ACBD3: variants seen among roughly 807,000 people sequenced by gnomAD.
ACBD3 encodes Golgi resident protein GCP60.
ACBD3 carries 30 observed loss-of-function variants against 66.9 expected under a neutral mutation model. The observed-to-expected ratio is 0.45, with a 90% confidence interval of 0.34 to 0.61. The LOEUF (loss-of-function observed/expected upper bound fraction) is 0.61. Among genes scored for constraint, ACBD3 ranks in the 20% least tolerant of loss-of-function variants. ACBD3 has a pLI of 0.02. For missense variants in ACBD3, 544 were observed against 664.5 expected, an observed-to-expected ratio of 0.82 and a Z score of 1.99; for synonymous variants, 278 against 259.8, an observed-to-expected ratio of 1.07 and a Z score of -0.68.
intron 5 of ACBD3, among the ~76,000 whole-genome samples, chr1:226,156,392 A>G (rs1315578259): frequency 1.3e-5 from 2 of 152,226 alleles, no homozygotes; most frequent in South Asian, 2.1e-4. Flanking sequence ...TCCATCATAA[A>G]AAGATAAAAT....
rs1202781612 is a variant in ACBD3 at position 226,146,109 on chromosome 1, A to C, written c.*501T>G. ...TTCTGAACGAGATCAAACTGAGGCC[A>C]TTTCTTTTTCTATTATAATCTGTGA... On this transcript the variant is annotated 3_prime_UTR_variant, in exon 8 of 8. Transcript: ENST00000366812. 2 of 153,762 alleles carry C rather than the reference A, an allele frequency of 1.3e-5. No homozygotes were observed. Among genetic ancestry groups the C allele is most frequent in the African/African-American group, 4.8e-5 (2 of 41,452 alleles). 9.5% of individuals were successfully genotyped at this position (153,762 alleles called of 1,614,324 possible). A position where few individuals can be genotyped will look rare whatever the true frequency, so the allele number is the denominator to read the frequency against.
At chr1:226,181,023 A>G (rs1576242673) in intron 1 of ACBD3, among the ~76,000 whole-genome samples, 1 of 151,710 alleles carries the variant, frequency 6.6e-6, no homozygotes, top group Non-Finnish European at 1.5e-5. Flanking sequence ...AAACAATGAC[A>G]ACAACAACAC....
intron 4 of ACBD3, among the ~76,000 whole-genome samples, chr1:226,160,877 AAGAT>A (rs1659758495): frequency 6.6e-6 from 1 of 152,222 alleles, no homozygotes; most frequent in African/African-American, 2.4e-5. Context: ...CTGGACCAAC[AAGAT>A]TCTCTGTCCT....
In ACBD3 at chr1:226,154,910, A is replaced by G. The variant is rs144076354; in HGVS notation, c.904-77T>C. On this transcript the variant is annotated intron_variant, in intron 5 of 7. Coordinates refer to ENST00000366812, the MANE Select transcript of ACBD3 (RefSeq NM_022735.4). ...AGACATCTGCCCTGGAGTACATCTGATACCATGCTTTTGCCCTACCAAAGT... is the reference window on the plus strand; with the variant it reads ...AGACATCTGCCCTGGAGTACATCTGGTACCATGCTTTTGCCCTACCAAAGT... 1.1e-4 allele frequency: 142 copies of G among 1,300,096 alleles called. No individual in the cohort carries two copies. The African/African-American group carries it at 2.0e-3, about 19-fold the overall frequency. The allele number at this position is 1,300,096 out of a possible 1,614,324, so 80.5% of individuals were successfully genotyped here.
rs199621655 is a variant in ACBD3, at chr1:226,154,653, G to A, written c.1084C>T (p.Pro362Ser). The A allele has an allele frequency of 6.2e-7, 1 of 1,608,752 alleles. No individual in the cohort carries two copies. The highest frequency in any genetic ancestry group is 8.5e-7 in the Non-Finnish European group (1 of 1,177,480). Reference protein sequence around the residue: ...EAAEEALENGPKESLPVIAAP... With the variant: ...EAAEEALENGSKESLPVIAAP... ...ACACATATGCAAAACCTACCTTTTG[G>A]TCCATTCTCCAGGGCTTCTTCTGCA... Residue 362 changes from proline (P) to serine (S), a missense_variant, in exon 6 of 8, where the codon CCA (proline) becomes TCA (serine). Physicochemically the swap from Pro to Ser is moderately conservative, Grantham distance 74. Transcript: ENST00000366812.
intron 1 of ACBD3, among the ~76,000 whole-genome samples, chr1:226,166,237 C>A (rs962608526): frequency 6.6e-6 from 1 of 151,694 alleles, no homozygotes; most frequent in African/African-American, 2.4e-5. Flanking sequence ...CTCACTGAAG[C>A]CTTGACCTCC....
chr1:226,186,696 C>T lies in ACBD3; in HGVS notation c.-21G>A. On this transcript the variant is annotated 5_prime_UTR_variant, in exon 1 of 8. Coordinates refer to ENST00000366812, the MANE Select transcript of ACBD3 (RefSeq NM_022735.4). ...GCCATCTCCGGCTGCTGCACCTCCT[C>T]AGCGGGGACAGACGGCAGCCACGTA... 6.8e-7 allele frequency: 1 copy of T among 1,467,248 alleles called. No homozygotes were observed. 90.9% of individuals were successfully genotyped at this position (1,467,248 alleles called of 1,614,324 possible).
At chr1:226,168,453 A>C (rs1314675987) in intron 1 of ACBD3, among the ~76,000 whole-genome samples, 1 of 152,238 alleles carries the variant, frequency 6.6e-6, no homozygotes, top group Non-Finnish European at 1.5e-5. Context: ...CATTCATTGC[A>C]GCACTATTTT....
intron 6 of ACBD3, among the ~76,000 whole-genome samples, chr1:226,153,157 G>A (rs1014153511): frequency 1.3e-5 from 2 of 152,182 alleles, no homozygotes; most frequent in Non-Finnish European, 2.9e-5. Context: ...AAGGGGTAAA[G>A]TCTTGTTACT....
rs1656320651 is a variant in ACBD3, at chr1:226,186,542, G to C, written c.134C>G (p.Pro45Arg). 5 of 1,374,750 alleles carry C rather than the reference G, an allele frequency of 3.6e-6. No homozygotes were observed. Among genetic ancestry groups the C allele is most frequent in the Non-Finnish European group, 4.7e-6 (5 of 1,069,802 alleles). The allele number at this position is 1,374,750 out of a possible 1,614,324, so 85.2% of individuals were successfully genotyped here. The change falls in exon 1 of 8, where the codon CCT becomes CGT. Residue 45 changes from proline to arginine, a missense_variant. Coordinates refer to ENST00000366812, the MANE Select transcript of ACBD3 (RefSeq NM_022735.4). ...LPPPLPPPSP[P>R]GSGRGPGASG... is the part of the protein sequence containing the mutation. The stretch of plus-strand genomic sequence containing the variant: ...GGCGCCCGGGCCGCGACCGGATCCA[G>C]GTGGCGAGGGCGGTGGCAGCGGTGG...
At chr1:226,147,889 G>A (rs1208382973) in intron 7 of ACBD3, 4 of 152,168 alleles carry the variant, frequency 2.6e-5, no homozygotes, top group South Asian at 4.2e-4. Context: ...AAGAGGTCAA[G>A]GGAGTATTCA....
intron 1 of ACBD3, among the ~76,000 whole-genome samples, chr1:226,181,298 T>C (rs1355408498): frequency 6.6e-6 from 1 of 152,224 alleles, no homozygotes; most frequent in Non-Finnish European, 1.5e-5. Context: ...ATGTTTCCAA[T>C]GAATAAATTA....
At chr1:226,175,091 C>CAAAAAAAAAAA (rs35201518) in intron 1 of ACBD3, among the ~76,000 whole-genome samples, 20 of 75,950 alleles carry the variant, frequency 2.6e-4, no homozygotes, top group East Asian at 7.1e-4. Context: ...GACTCCATCT[C>CAAAAAAAAAAA]AAAAAAAAAA....
intron 1 of ACBD3, among the ~76,000 whole-genome samples, chr1:226,177,792 G>T (rs1484282822): frequency 6.6e-6 from 1 of 151,322 alleles, no homozygotes; most frequent in Non-Finnish European, 1.5e-5. Flanking sequence ...AGCCCAGGCT[G>T]GAGTGCAGTG....
chr1:226,176,919 G>T (rs1211331849), intron 1 of ACBD3, among the ~76,000 whole-genome samples: 3 of 152,134 alleles, frequency 2.0e-5, no homozygotes, highest in Non-Finnish European at 4.4e-5. Flanking sequence ...TAAATTGTTA[G>T]AAATTGTTTA....
chr1:226,146,928 G>A, intron 7 of ACBD3, 107 bp from the exon 8 acceptor site: 1 of 1,136,216 alleles, frequency 8.8e-7, no homozygotes, highest in Non-Finnish European at 1.3e-6. Flanking sequence ...GTCTTGCTCT[G>A]TCACCCAGGA....
chr1:226,147,553 C>T (rs1271586442), intron 7 of ACBD3, among the ~76,000 whole-genome samples: 1 of 152,116 alleles, frequency 6.6e-6, no homozygotes, highest in African/African-American at 2.4e-5. Context: ...TGAGTCCTCC[C>T]CATTTTAGAA....
intron 4 of ACBD3, 73 bp downstream of exon 4, chr1:226,161,458 C>T (rs765792834): frequency 4.0e-5 from 63 of 1,594,422 alleles, no homozygotes; most frequent in East Asian, 9.0e-5. Flanking sequence ...ACACCTGGCC[C>T]GCTCATTTCT....
In ACBD3 at chr1:226,146,390, C is replaced by A. The variant is rs1659451412; in HGVS notation, c.*220G>T. 5 of 516,688 alleles carry A rather than the reference C, an allele frequency of 9.7e-6. No individual in the cohort carries two copies. Among genetic ancestry groups the A allele is most frequent in the Non-Finnish European group, 1.4e-5 (4 of 287,838 alleles). 32.0% of individuals were successfully genotyped at this position (516,688 alleles called of 1,614,324 possible). On this transcript the variant is annotated 3_prime_UTR_variant, in exon 8 of 8. Coordinates refer to ENST00000366812, the MANE Select transcript of ACBD3 (RefSeq NM_022735.4). ...CCACTAGTGACTCTGCTGGTCAGCA[C>A]CCAAGGGCTGGATGAGTCTGAGGAA... is the stretch of plus-strand genomic sequence containing the variant.
Sources: allele counts gnomAD v4.1 joint callset (sites outside exome capture counted in the v4.1 genomes callset), GRCh38; gene constraint gnomAD v4.1.1; transcripts MANE v1.5; gene names NCBI Gene and HGNC (gene_info 2026-07-23, HGNC 2026-07-21).